Variants in C6 observed in about 807,000 individuals in gnomAD.
C6 encodes the protein complement C6, also known as complement component C6.
C6 carries 101 observed loss-of-function variants against 112.9 expected under a neutral mutation model. The ratio of observed to expected loss-of-function variants is 0.89; its 90% confidence interval spans 0.76 to 1.06. The LOEUF (loss-of-function observed/expected upper bound fraction) is 1.06, where lower values mean the gene tolerates loss of function less well. C6 is among the 50% of genes least tolerant of loss of function. The pLI is 0.00. For synonymous variants in C6, 431 were observed against 384.1 expected (o/e 1.12, Z -1.43); for missense variants, 1,202 against 1,104.6 (o/e 1.09, Z -1.25).
At chr5:41,239,314 G>A (rs760914515) in intron 1 of C6, among the ~76,000 whole-genome samples, 1 of 151,848 alleles carries the variant, frequency 6.6e-6, no homozygotes, top group Non-Finnish European at 1.5e-5. Flanking sequence ...ATTTTGCCAT[G>A]TTGGCCATCC....
rs143267203 is a variant in C6, at chr5:41,226,226, A to G, written c.-20-22976T>C. Among the ~76,000 whole-genome samples, 418 of 152,316 alleles carry G rather than the reference A, an allele frequency of 2.7e-3. 4 individuals are homozygous for G. In the East Asian group the frequency reaches 0.033, roughly 12 times the overall value. ...CATCTGACAAAGGGCTAATAACCAG[A>G]ATCTACAATGAACTCAAACAAATTT... On this transcript the variant is annotated intron_variant, in intron 1 of 17. Transcript: ENST00000263413.
chr5:41,252,521 T>C (rs1488238872), intron 1 of C6, among the ~76,000 whole-genome samples: 1 of 152,222 alleles, frequency 6.6e-6, no homozygotes, highest in Non-Finnish European at 1.5e-5. Flanking sequence ...AGATAGCATC[T>C]AATGACAGAT....
At chr5:41,233,790 T>C (rs964744321) in intron 1 of C6, among the ~76,000 whole-genome samples, 2 of 152,114 alleles carry the variant, frequency 1.3e-5, no homozygotes, top group Non-Finnish European at 2.9e-5. Context: ...AAATGAGACC[T>C]GATCATTTGC....
intron 1 of C6, among the ~76,000 whole-genome samples, chr5:41,245,931 T>C (rs1299288672): frequency 6.6e-6 from 1 of 152,228 alleles, no homozygotes; most frequent in Non-Finnish European, 1.5e-5. Context: ...AGTTTGGATG[T>C]CACAATTATT....
chr5:41,176,502 A>G lies in C6; in HGVS notation c.1141T>C (p.Phe381Leu). The G allele has an allele frequency of 6.2e-7, 1 of 1,613,786 alleles. No individual in the cohort carries two copies. The highest frequency in any genetic ancestry group is 2.2e-5 in the East Asian group (1 of 44,794). ...LGGVYDLLYQFSSEELKNSGL... is the reference protein window; with the variant it reads ...LGGVYDLLYQLSSEELKNSGL... The stretch of plus-strand genomic sequence containing the variant: ...GAGTTCTTTAGTTCCTCACTGCTAA[A>G]CTGATAGAGAAGGTCATACACGCCT... Residue 381 changes from phenylalanine (F) to leucine (L), a missense_variant, in exon 8 of 18, where the codon TTT becomes CTT. Physicochemically the swap from Phe to Leu is conservative, Grantham distance 22 (BLOSUM62 0). Coordinates refer to ENST00000337836, the MANE Select transcript of C6 (RefSeq NM_000065.5).
chr5:41,158,676 G>A lies in C6; in HGVS notation c.1966C>T (p.Arg656Trp), dbSNP rs147459672. The A allele has an allele frequency of 2.0e-5, 31 of 1,581,330 alleles. No individual in the cohort carries two copies. The highest frequency in any genetic ancestry group is 1.7e-4 in the Middle Eastern group (1 of 6,026). ...AAAGTGAGGTTTAGGATGCTGACCCGGATAAATCCATTTTCTGGAGGAACT... is the reference window on the plus strand; with the variant it reads ...AAAGTGAGGTTTAGGATGCTGACCCAGATAAATCCATTTTCTGGAGGAACT... ...QPVPPENGFI[R>W]NEKQLYLVGE... The change falls in exon 13 of 18, where the codon CGG becomes TGG. Residue 656 changes from arginine (R) to tryptophan (W), a missense_variant and splice_region_variant. By Grantham distance (101) the Arg-to-Trp change is moderately radical. Coordinates refer to ENST00000337836, the MANE Select transcript of C6 (RefSeq NM_000065.5).
chr5:41,201,797 A>C, intron 2 of C6, 83 bp from the exon 3 acceptor site: 3 of 1,253,182 alleles, frequency 2.4e-6, no homozygotes, highest in South Asian at 1.2e-5. Flanking sequence ...ATTGAGCATT[A>C]ACTACAATAA....
intron 1 of C6, among the ~76,000 whole-genome samples, chr5:41,210,218 A>G (rs1561175665): frequency 6.6e-6 from 1 of 152,240 alleles, no homozygotes; most frequent in Non-Finnish European, 1.5e-5. Flanking sequence ...AAATTAATTC[A>G]AGATGGATTA....
Position 41,142,831 on chromosome 5 carries a change from C to A in C6, c.2799G>T (p.Leu933Phe), listed in dbSNP as rs1252780950. The A allele has an allele frequency of 6.2e-7, 1 of 1,612,474 alleles. No homozygotes were observed. The highest frequency in any genetic ancestry group is 1.7e-5 in the Admixed American group (1 of 59,902). The change falls in exon 18 of 18, where the codon TTG (leucine) becomes TTT (phenylalanine). Residue 933 changes from leucine (L) to phenylalanine (F), a missense_variant. By Grantham distance (22) the Leu-to-Phe change is conservative (BLOSUM62 0). Coordinates refer to ENST00000337836, the MANE Select transcript of C6 (RefSeq NM_000065.5). ...GGGCCTAGCAGTAATTGTGCTAGGC[C>A]AAACACTTTCCAGGATGCAGTATTT... ...KMEILHPGKC[L>F]A
chr5:41,239,116 T>C (rs1048804063), intron 1 of C6, among the ~76,000 whole-genome samples: 60 of 147,218 alleles, frequency 4.1e-4, no homozygotes, highest in African/African-American at 1.5e-3. Flanking sequence ...TCTTTCTTTT[T>C]TTTTTTTTTT....
chr5:41,213,672 C>A (rs145413749), upstream of C6: 10 of 354,978 alleles, frequency 2.8e-5, no homozygotes, highest in Admixed American at 4.5e-4. Context: ...GTTTTCAATT[C>A]AAGGGCTATT....
intron 1 of C6, among the ~76,000 whole-genome samples, chr5:41,235,539 G>A (rs1285387016): frequency 4.9e-5 from 7 of 144,186 alleles, no homozygotes; most frequent in Non-Finnish European, 7.6e-5. Context: ...ATAAACATAC[G>A]TGTGCATGTG....
chr5:41,220,697 G>A (rs886527478), intron 1 of C6, among the ~76,000 whole-genome samples: 1 of 151,766 alleles, frequency 6.6e-6, no homozygotes, highest in African/African-American at 2.4e-5. Context: ...TACATTCTTT[G>A]GATCGCTAAT....
chr5:41,259,035 A>G (rs1580267209), intron 1 of C6, among the ~76,000 whole-genome samples: 1 of 152,144 alleles, frequency 6.6e-6, no homozygotes. Flanking sequence ...GAGATCAACT[A>G]ACATGTTTAT....
chr5:41,213,762 C>A (rs1285582470), upstream of C6, among the ~76,000 whole-genome samples: 1 of 151,926 alleles, frequency 6.6e-6, no homozygotes, highest in Admixed American at 6.6e-5. Flanking sequence ...AAATTGCTGC[C>A]CCCCTTAGGA....
rs546788586 is a variant in C6, at chr5:41,174,458, A to G, written c.1168+2017T>C. Among the ~76,000 whole-genome samples, 8 of 152,320 alleles carry G rather than the reference A, an allele frequency of 5.3e-5. No homozygotes were observed. In the South Asian group the frequency reaches 1.7e-3, roughly 32 times the overall value. On this transcript the variant is annotated intron_variant, in intron 8 of 17. Transcript: ENST00000337836. ...TGTGGTGAATAATTTTTAACCTCCA[A>G]TTCAGTGTAGAAGATGACTTCCCAA... is the stretch of plus-strand genomic sequence containing the variant.
chr5:41,217,787 A>T (rs1752245796), upstream of C6, among the ~76,000 whole-genome samples: 1 of 152,050 alleles, frequency 6.6e-6, no homozygotes, highest in African/African-American at 2.4e-5. Flanking sequence ...CTTAGGTTGG[A>T]TTCCAATTTA....
chr5:41,246,884 T>G (rs918838049), intron 1 of C6, among the ~76,000 whole-genome samples: 1 of 152,172 alleles, frequency 6.6e-6, no homozygotes, highest in Non-Finnish European at 1.5e-5. Context: ...TGGGGAGTAA[T>G]TCAGTAAAAT....
chr5:41,152,600 G>A (rs996596205), intron 15 of C6: 1 of 152,100 alleles, frequency 6.6e-6, no homozygotes, highest in Non-Finnish European at 1.5e-5. Context: ...AAATTCCTAG[G>A]TTTCTTATTC....
Sources: allele counts gnomAD v4.1 joint callset (sites outside exome capture counted in the v4.1 genomes callset), GRCh38; gene constraint gnomAD v4.1.1; transcripts MANE v1.5; gene names NCBI Gene and HGNC (gene_info 2026-07-23, HGNC 2026-07-21).